SUPT16H: variants seen among roughly 807,000 people sequenced by gnomAD.
The protein encoded by SUPT16H is FACT complex subunit SPT16.
A neutral mutation model predicts 136.2 loss-of-function variants in SUPT16H; 24 were observed. The observed-to-expected ratio is 0.18, with a 90% CI of 0.13 to 0.25. The LOEUF (loss-of-function observed/expected upper bound fraction) is 0.25. Among genes scored for constraint, SUPT16H ranks in the 10% least tolerant of loss-of-function variants. SUPT16H has a pLI of 1.00. For synonymous variants in SUPT16H, 415 were observed against 428.2 expected, an observed-to-expected ratio of 0.97 and a Z score of 0.38; for missense variants, 623 against 1,270.2, an observed-to-expected ratio of 0.49 and a Z score of 7.74.
At chr14:21,367,981 C>T (rs142138146) in intron 7 of SUPT16H, among the ~76,000 whole-genome samples, 1 of 152,274 alleles carries the variant, frequency 6.6e-6, no homozygotes, top group African/African-American at 2.4e-5. Context: ...GAGGTATAAT[C>T]GCAACTCACT....
intron 2 of SUPT16H, 28 bp downstream of exon 2, chr14:21,373,310 G>C (rs752885660): frequency 6.5e-7 from 1 of 1,537,550 alleles, no homozygotes; most frequent in Admixed American, 1.7e-5. Flanking sequence ...ACAACTCTAA[G>C]AGCTAAAAAT....
chr14:21,352,818 G>C lies in SUPT16H; in HGVS notation c.2999C>G (p.Ala1000Gly), dbSNP rs1373550950. 1 of 1,613,944 alleles carries C rather than the reference G, an allele frequency of 6.2e-7. No individual in the cohort carries two copies. The highest frequency in any genetic ancestry group is 1.3e-5 in the African/African-American group (1 of 74,980). ...WDELEEEARK[A>G]DRESRYEEEE... Reference sequence around the variant, plus strand: ...TTCCTCGTAACGACTTTCTCGGTCCGCTAAATAGAAGAGGCATTATTAGTT... The same window carrying C: ...TTCCTCGTAACGACTTTCTCGGTCCCCTAAATAGAAGAGGCATTATTAGTT... The change falls in exon 26 of 26, where the codon GCG becomes GGG. Residue 1000 changes from alanine (A) to glycine (G), a missense_variant and splice_region_variant. This residue lies in a region of SUPT16H where 88 missense variants were observed against 135.5 expected (regional missense o/e 0.65). Coordinates refer to ENST00000216297, the MANE Select transcript of SUPT16H (RefSeq NM_007192.4).
Position 21,357,732 on chromosome 14 carries a change from T to G in SUPT16H, c.2490+195A>C, listed in dbSNP as rs1471675478. Among the ~76,000 whole-genome samples, 3 of 152,192 alleles carry G rather than the reference T, an allele frequency of 2.0e-5. No individual in the cohort carries two copies. In the South Asian group the frequency reaches 6.2e-4, roughly 31 times the overall value. Reference sequence around the variant, plus strand: ...CTCAAGTGTTCCTCCCACCTTGGCCTCTAATTGTGCTGGGATTACAGGTGT... The same window carrying G: ...CTCAAGTGTTCCTCCCACCTTGGCCGCTAATTGTGCTGGGATTACAGGTGT... On this transcript the variant is annotated intron_variant, in intron 21 of 25. Coordinates refer to ENST00000216297, the MANE Select transcript of SUPT16H (RefSeq NM_007192.4).
At chr14:21,380,107 A>G (rs1886990400) in intron 1 of SUPT16H, among the ~76,000 whole-genome samples, 1 of 152,164 alleles carries the variant, frequency 6.6e-6, no homozygotes, top group Non-Finnish European at 1.5e-5. Context: ...AAAAATAAGT[A>G]TAACTATTAT....
chr14:21,383,617 A>G (rs1024118139), intron 1 of SUPT16H: 2 of 703,972 alleles, frequency 2.8e-6, no homozygotes, highest in East Asian at 2.7e-5. Flanking sequence ...AGGTGCTGCT[A>G]TGCATGACCA....
At chr14:21,364,648 T>C (rs2139404766) in intron 10 of SUPT16H, among the ~76,000 whole-genome samples, 179 bp downstream of exon 10, 1 of 152,238 alleles carries the variant, frequency 6.6e-6, no homozygotes, top group East Asian at 1.9e-4. Context: ...GATTTAAAGG[T>C]TTATATCATT....
In SUPT16H at chr14:21,362,953, G is replaced by A. The variant is rs10146717; in HGVS notation, c.1512-6C>T. ...ACACATTAGACTTGCGAGCTCTGGA[G>A]TGGGATAAAAAAACAACTGAGAAAT... On this transcript the variant is annotated splice_polypyrimidine_tract_variant and splice_region_variant and intron_variant, in intron 13 of 25. Transcript: ENST00000216297. The A allele has an allele frequency of 0.89, 1,432,409 of 1,613,126 alleles. 639,824 individuals carry two copies. Among genetic ancestry groups the A allele is most frequent in the Middle Eastern group, 0.91 (5,513 of 6,058 alleles).
chr14:21,379,720 TAATAA>T (rs1414984610), intron 1 of SUPT16H, among the ~76,000 whole-genome samples: 2 of 151,710 alleles, frequency 1.3e-5, no homozygotes, highest in Non-Finnish European at 2.9e-5. Context: ...ATAACAATAA[TAATAA>T]TAATAAAAAT....
At chr14:21,368,493 C>T (rs749569233) in intron 6 of SUPT16H, 52 bp from the exon 7 acceptor site, 30 of 1,547,308 alleles carry the variant, frequency 1.9e-5, no homozygotes, top group Non-Finnish European at 2.6e-5. Flanking sequence ...TAGCAAAGTC[C>T]TTGGTATCAA....
intron 1 of SUPT16H, among the ~76,000 whole-genome samples, chr14:21,376,005 C>G (rs1218883019): frequency 6.6e-6 from 1 of 152,244 alleles, no homozygotes; most frequent in Non-Finnish European, 1.5e-5. Flanking sequence ...TTAGCTGTCA[C>G]AGTTAGGTCT....
At chr14:21,367,065 C>T (rs767289578) in intron 7 of SUPT16H, among the ~76,000 whole-genome samples, 8 of 152,094 alleles carry the variant, frequency 5.3e-5, no homozygotes, top group Non-Finnish European at 1.0e-4. Context: ...GTCAGCTTCC[C>T]GAGTAGCTGA....
intron 6 of SUPT16H, 108 bp from the exon 7 acceptor site, chr14:21,368,549 A>G: frequency 1.6e-6 from 2 of 1,235,448 alleles, no homozygotes; most frequent in Non-Finnish European, 2.2e-6. Flanking sequence ...CCATATCCCA[A>G]AGCTGTGGCT....
At chr14:21,358,064 G>T (rs1307587654) in intron 20 of SUPT16H, 62 bp from the exon 21 acceptor site, 2 of 1,450,446 alleles carry the variant, frequency 1.4e-6, no homozygotes, top group Non-Finnish European at 1.9e-6. Context: ...TACCACAACA[G>T]ACAAACTTCT....
chr14:21,367,232 C>A (rs1026684422), intron 7 of SUPT16H, among the ~76,000 whole-genome samples: 1 of 152,132 alleles, frequency 6.6e-6, no homozygotes, highest in Admixed American at 6.5e-5. Context: ...TACCCGGCCC[C>A]GATCCCATTC....
intron 6 of SUPT16H, among the ~76,000 whole-genome samples, 197 bp from the exon 7 acceptor site, chr14:21,368,638 GA>G (rs1886722491): frequency 6.6e-6 from 1 of 152,178 alleles, no homozygotes; most frequent in South Asian, 2.1e-4. Flanking sequence ...AAAAGTCAGT[GA>G]CCAAAACTTT....
intron 22 of SUPT16H, among the ~76,000 whole-genome samples, chr14:21,356,731 C>T (rs890987875): frequency 6.6e-6 from 1 of 151,816 alleles, no homozygotes; most frequent in Non-Finnish European, 1.5e-5. Context: ...CACAGTGAGA[C>T]CCTGTCTCAA....
chr14:21,368,550 A>G, intron 6 of SUPT16H, 109 bp from the exon 7 acceptor site: 3 of 1,234,902 alleles, frequency 2.4e-6, no homozygotes, highest in Admixed American at 2.9e-5. Flanking sequence ...CATATCCCAA[A>G]GCTGTGGCTG....
chr14:21,353,456 A>G, intron 25 of SUPT16H, 32 bp downstream of exon 25: 1 of 1,599,842 alleles, frequency 6.3e-7, no homozygotes, highest in Non-Finnish European at 8.5e-7. Context: ...GTGCGTAGAC[A>G]AATGAATAAA....
intron 1 of SUPT16H, among the ~76,000 whole-genome samples, chr14:21,379,440 A>AC (rs1886972509): frequency 1.0e-5 from 1 of 95,482 alleles, no homozygotes; most frequent in Non-Finnish European, 2.4e-5. Flanking sequence ...TCTCAAAAAA[A>AC]GAAAAAAAAA....
Sources: gnomAD v4.1 joint callset for allele counts (sites outside exome capture counted in the v4.1 genomes callset) on GRCh38, gnomAD v4.1.1 for gene constraint, gnomAD v4.1.1 regional missense constraint, MANE v1.5 for transcripts, NCBI Gene and HGNC (gene_info 2026-07-23, HGNC 2026-07-21) for gene names.